SCFD2: variants seen among roughly 807,000 people sequenced by gnomAD.
SCFD2 encodes the protein sec1 family domain-containing protein 2.
A neutral mutation model predicts 58.9 loss-of-function variants in SCFD2; 54 were observed. The observed-to-expected ratio is 0.92, with a 90% CI of 0.74 to 1.15. The LOEUF is 1.15. Ranked by LOEUF, SCFD2 falls within the 50% of genes most tolerant of loss-of-function variation. SCFD2 has a pLI of 0.00. For missense variants in SCFD2, 805 were observed against 836.6 expected, an observed-to-expected ratio of 0.96 and a Z score of 0.47; for synonymous variants, 321 against 335.9, an observed-to-expected ratio of 0.96 and a Z score of 0.49.
At chr4:53,091,567 C>A (rs1236596242) in intron 5 of SCFD2, among the ~76,000 whole-genome samples, 2 of 152,046 alleles carry the variant, frequency 1.3e-5, no homozygotes, top group African/African-American at 4.8e-5. Context: ...CTACATAAAT[C>A]TTATTGCTAA....
chr4:53,362,432 A>G (rs1734572531), intron 1 of SCFD2, among the ~76,000 whole-genome samples: 1 of 152,238 alleles, frequency 6.6e-6, no homozygotes, highest in Non-Finnish European at 1.5e-5. Context: ...GGGATTATAT[A>G]AGAAGCTGGC....
At chr4:53,011,108 C>T (rs1414677865) in intron 5 of SCFD2, among the ~76,000 whole-genome samples, 1 of 152,190 alleles carries the variant, frequency 6.6e-6, no homozygotes, top group Non-Finnish European at 1.5e-5. Flanking sequence ...AAAAGGCAGA[C>T]ATCAGAATAT....
At position 53,075,252 on chromosome 4, in the gene SCFD2, T is replaced by G. The variant is rs138187702; in HGVS notation, c.1561+70081A>C. 2.2e-3 allele frequency among the ~76,000 whole-genome samples: 329 copies of G among 152,324 alleles called. 3 individuals carry two copies. Among genetic ancestry groups the G allele is most frequent in the African/African-American group, 7.4e-3 (309 of 41,576 alleles). ...GCTTCTTCACCTCTCTCAGCCTTGA[T>G]AGAATTGAAAATATTTAGGGCTTGC... On this transcript the variant is annotated intron_variant, in intron 5 of 8. Transcript: ENST00000401642.
At chr4:53,162,659 T>C (rs1356056472) in intron 4 of SCFD2, among the ~76,000 whole-genome samples, 3 of 148,924 alleles carry the variant, frequency 2.0e-5, no homozygotes, top group Non-Finnish European at 4.4e-5. Context: ...TATCTCATTG[T>C]GGACACAGGA....
intron 5 of SCFD2, among the ~76,000 whole-genome samples, chr4:52,973,634 A>G (rs983738074): frequency 1.2e-4 from 19 of 152,214 alleles, no homozygotes; most frequent in African/African-American, 4.6e-4. Context: ...ATTCCAATCA[A>G]CAGAAAAAGA....
chr4:52,943,433 G>A (rs368495912), intron 5 of SCFD2, among the ~76,000 whole-genome samples: 1 of 152,128 alleles, frequency 6.6e-6, no homozygotes, highest in East Asian at 1.9e-4. Context: ...AGTGCCAGGT[G>A]AGGGCCTTCT....
In SCFD2 at chr4:53,129,365, A is replaced by G. The variant is rs369807743; in HGVS notation, c.1561+15968T>C. 1.6e-4 allele frequency among the ~76,000 whole-genome samples: 24 copies of G among 152,370 alleles called. 1 individual carries two copies. In the South Asian group the frequency reaches 2.1e-3, roughly 13 times the overall value. ...CCAGGTGCTAAAGACAGAATAAACAAGCAACACATGAAGGCCTAAAAAGTC... is the reference window on the plus strand; with the variant it reads ...CCAGGTGCTAAAGACAGAATAAACAGGCAACACATGAAGGCCTAAAAAGTC... On this transcript the variant is annotated intron_variant, in intron 5 of 8. Transcript: ENST00000401642.
chr4:53,029,215 A>G (rs1281717686), intron 5 of SCFD2, among the ~76,000 whole-genome samples: 2 of 151,900 alleles, frequency 1.3e-5, no homozygotes, highest in African/African-American at 4.8e-5. Context: ...GTTTATGCCA[A>G]TCTTCATCTT....
intron 5 of SCFD2, among the ~76,000 whole-genome samples, chr4:53,095,481 CCT>C (rs1358388769): frequency 6.6e-6 from 1 of 152,120 alleles, no homozygotes; most frequent in African/African-American, 2.4e-5. Flanking sequence ...GCTTTCATCA[CCT>C]CTCACTTAGA....
chr4:52,973,506 C>G (rs1292522643), intron 5 of SCFD2, among the ~76,000 whole-genome samples: 1 of 152,056 alleles, frequency 6.6e-6, no homozygotes, highest in East Asian at 1.9e-4. Flanking sequence ...ATAACAGGCT[C>G]TGAAATTGAG....
intron 5 of SCFD2, among the ~76,000 whole-genome samples, chr4:52,982,005 C>T (rs1721386841): frequency 6.6e-6 from 1 of 152,192 alleles, no homozygotes; most frequent in South Asian, 2.1e-4. Context: ...GAATTAGAAT[C>T]AAGAGGACTT....
chr4:53,066,287 A>G (rs1723660950), intron 5 of SCFD2, among the ~76,000 whole-genome samples: 1 of 152,144 alleles, frequency 6.6e-6, no homozygotes, highest in South Asian at 2.1e-4. Flanking sequence ...AAGCGAAATT[A>G]AAAACTGTAC....
chr4:53,020,409 T>G (rs965951625), intron 5 of SCFD2, among the ~76,000 whole-genome samples: 2 of 152,200 alleles, frequency 1.3e-5, no homozygotes, highest in African/African-American at 4.8e-5. Context: ...CAGTTGTTTT[T>G]TAGAAATAAT....
chr4:53,041,607 T>A (rs1722902778), intron 5 of SCFD2, among the ~76,000 whole-genome samples: 1 of 152,048 alleles, frequency 6.6e-6, no homozygotes, highest in Non-Finnish European at 1.5e-5. Context: ...TGGGTAAGGA[T>A]GAGAGAAAGG....
At chr4:52,889,253 T>C (rs1370009814) in intron 7 of SCFD2, among the ~76,000 whole-genome samples, 3 of 152,264 alleles carry the variant, frequency 2.0e-5, no homozygotes, top group Non-Finnish European at 4.4e-5. Context: ...ATATTTATTA[T>C]TGAAAATAGC....
chr4:53,318,681 C>CTTA (rs1732934101), intron 2 of SCFD2, among the ~76,000 whole-genome samples: 1 of 151,924 alleles, frequency 6.6e-6, no homozygotes, highest in South Asian at 2.1e-4. Context: ...AGTTCAGGAA[C>CTTA]AGCTGGTCAA....
At chr4:53,025,688 C>T (rs971072231) in intron 5 of SCFD2, among the ~76,000 whole-genome samples, 3 of 152,146 alleles carry the variant, frequency 2.0e-5, no homozygotes, top group Non-Finnish European at 4.4e-5. Flanking sequence ...TTTGAAAAAG[C>T]TATTCAATTG....
intron 5 of SCFD2, among the ~76,000 whole-genome samples, chr4:53,143,435 C>CA (rs1204290737): frequency 6.6e-6 from 1 of 152,182 alleles, no homozygotes; most frequent in Admixed American, 6.5e-5. Context: ...CAAACACATG[C>CA]AATCACATAT....
chr4:53,033,396 A>C (rs913802574), intron 5 of SCFD2, among the ~76,000 whole-genome samples: 4 of 152,200 alleles, frequency 2.6e-5, no homozygotes, highest in African/African-American at 9.7e-5. Flanking sequence ...TCCTAACATC[A>C]AAATTAAAAG....
Sources: allele counts gnomAD v4.1 joint callset (sites outside exome capture counted in the v4.1 genomes callset), GRCh38; gene constraint gnomAD v4.1.1; transcripts MANE v1.5; gene names NCBI Gene and HGNC (gene_info 2026-07-23, HGNC 2026-07-21).